SNX4: variants seen among roughly 807,000 people sequenced by gnomAD.
SNX4 encodes the protein sorting nexin-4.
A neutral mutation model predicts 70.8 loss-of-function variants in SNX4; 49 were observed. The ratio of observed to expected loss-of-function variants is 0.69; its 90% CI spans 0.55 to 0.88. The LOEUF is 0.88. Ranked by LOEUF, SNX4 falls within the 40% of genes least tolerant of loss-of-function variation. The pLI is 0.00. For missense variants in SNX4, 528 were observed against 544.8 expected (o/e 0.97, Z 0.31); for synonymous variants, 206 against 183.8 (o/e 1.12, Z -0.98).
At chr3:125,466,822 C>T (rs1342535444) in intron 9 of SNX4, among the ~76,000 whole-genome samples, 3 of 152,142 alleles carry the variant, frequency 2.0e-5, no homozygotes, top group South Asian at 2.1e-4. Flanking sequence ...CAGTGGCTCA[C>T]GCCTATAATC....
intron 5 of SNX4, among the ~76,000 whole-genome samples, chr3:125,493,921 C>T (rs1406839664): frequency 6.6e-6 from 1 of 151,690 alleles, no homozygotes; most frequent in African/African-American, 2.4e-5. Flanking sequence ...CCTGTAGTCC[C>T]AGCTACTCAG....
chr3:125,487,743 TATG>T (rs1395713931), intron 6 of SNX4, among the ~76,000 whole-genome samples: 5 of 149,900 alleles, frequency 3.3e-5, no homozygotes, highest in African/African-American at 7.4e-5. Context: ...ACATACTGTA[TATG>T]ATGTGACATT....
intron 12 of SNX4, among the ~76,000 whole-genome samples, chr3:125,453,006 T>C (rs759446811): frequency 1.8e-4 from 27 of 152,178 alleles, no homozygotes; most frequent in African/African-American, 6.0e-4. Flanking sequence ...CAAAATACAC[T>C]CTTGGTCTGC....
intron 6 of SNX4, among the ~76,000 whole-genome samples, chr3:125,488,505 CAA>C (rs1227135928): frequency 1.3e-5 from 2 of 151,908 alleles, no homozygotes; most frequent in East Asian, 1.9e-4. Context: ...TGAAAAAACT[CAA>C]GTTACCATCA....
chr3:125,447,883 A>G lies in SNX4; in HGVS notation c.1306-57T>C, dbSNP rs9856055. ...AGTTTGGAAGGAATCTGAAAACCCA[A>G]GTACTTGGCTTAGTGGTACACTAAG... On this transcript the variant is annotated intron_variant, in intron 13 of 13. Coordinates refer to ENST00000251775, the MANE Select transcript of SNX4 (RefSeq NM_003794.4). 4,736 of 1,166,654 alleles carry G rather than the reference A, an allele frequency of 4.1e-3. 127 individuals carry two copies. The African/African-American group carries it at 0.059, about 15-fold the overall frequency. The allele number at this position is 1,166,654 out of a possible 1,614,324, so 72.3% of individuals were successfully genotyped here.
intron 1 of SNX4, 80 bp downstream of exon 1, chr3:125,519,952 C>T: frequency 5.4e-6 from 6 of 1,114,936 alleles, no homozygotes; most frequent in South Asian, 1.8e-5. Context: ...CGGCCCGGCC[C>T]AGCCCAGCCC....
intron 1 of SNX4, among the ~76,000 whole-genome samples, chr3:125,510,116 C>T (rs183080903): frequency 6.6e-6 from 1 of 152,138 alleles, no homozygotes; most frequent in Admixed American, 6.5e-5. Flanking sequence ...CTAATATATC[C>T]AAAAGAATTA....
chr3:125,519,993 C>T, intron 1 of SNX4, 39 bp downstream of exon 1: 2 of 1,455,444 alleles, frequency 1.4e-6, no homozygotes, highest in South Asian at 2.5e-5. Flanking sequence ...GCTAGGCCAC[C>T]ACACAGGCCA....
intron 4 of SNX4, 58 bp from the exon 5 acceptor site, chr3:125,497,446 G>A: frequency 2.8e-6 from 3 of 1,084,324 alleles, no homozygotes; most frequent in Non-Finnish European, 2.8e-6. Flanking sequence ...TCCAAATTAA[G>A]TAAATTAAAT....
intron 6 of SNX4, among the ~76,000 whole-genome samples, chr3:125,481,178 T>C (rs551886570): frequency 1.3e-5 from 2 of 152,298 alleles, no homozygotes; most frequent in South Asian, 2.1e-4. Flanking sequence ...TCCAGCACTA[T>C]ATAGTAGGGA....
At chr3:125,482,411 A>G (rs999506936) in intron 6 of SNX4, among the ~76,000 whole-genome samples, 1 of 152,060 alleles carries the variant, frequency 6.6e-6, no homozygotes, top group Non-Finnish European at 1.5e-5. Context: ...ACATTCCACT[A>G]ATTGCCCAGT....
chr3:125,480,312 T>C lies in SNX4; in HGVS notation c.661A>G (p.Thr221Ala). Residue 221 changes from threonine (T) to alanine (A), a missense_variant, in exon 7 of 14, where the codon ACT (threonine) becomes GCT (alanine). This residue lies in a region of SNX4 where 341 missense variants were observed against 312.2 expected (regional missense o/e 1.09). Coordinates refer to ENST00000251775, the MANE Select transcript of SNX4 (RefSeq NM_003794.4). ...TCATCACTATAGTGCTTAAGGTCAG[T>C]AAATCTCCTGAAACAGGAAACAAAT... ...FRVKNPDKRF[T>A]DLKHYSDELQ... The C allele has an allele frequency of 2.6e-6, 4 of 1,518,714 alleles. No individual in the cohort carries two copies. Among genetic ancestry groups the C allele is most frequent in the Non-Finnish European group, 3.6e-6 (4 of 1,126,208 alleles). 94.1% of individuals were successfully genotyped at this position (1,518,714 alleles called of 1,614,324 possible). A position where few individuals can be genotyped will look rare whatever the true frequency, so the allele number is the denominator to read the frequency against.
At chr3:125,481,094 G>C (rs559661692) in intron 6 of SNX4, among the ~76,000 whole-genome samples, 1 of 152,206 alleles carries the variant, frequency 6.6e-6, no homozygotes, top group South Asian at 2.1e-4. Flanking sequence ...CTTTCACAAG[G>C]CATCACTTCC....
At chr3:125,513,514 G>A (rs62270179) in intron 1 of SNX4, among the ~76,000 whole-genome samples, 45,530 of 151,912 alleles carry the variant, frequency 0.3, 7,258 homozygotes, top group Admixed American at 0.43. Context: ...TTACTTTTCC[G>A]CCATTATTTT....
At position 125,447,750 on chromosome 3, in the gene SNX4, T is replaced by G; in HGVS notation, c.*29A>C. On this transcript the variant is annotated 3_prime_UTR_variant, in exon 14 of 14. Coordinates refer to ENST00000251775, the MANE Select transcript of SNX4 (RefSeq NM_003794.4). Reference sequence around the variant, plus strand: ...ACTTGTGCTTCTGTTTTGGGGCACTTTGATTGAAGAGAAATTCAATTCACA... The same window carrying G: ...ACTTGTGCTTCTGTTTTGGGGCACTGTGATTGAAGAGAAATTCAATTCACA... 1 of 1,564,298 alleles carries G rather than the reference T, an allele frequency of 6.4e-7. No homozygotes were observed. Among genetic ancestry groups the G allele is most frequent in the Non-Finnish European group, 8.7e-7 (1 of 1,148,124 alleles).
intron 5 of SNX4, among the ~76,000 whole-genome samples, chr3:125,493,541 C>T (rs958678801): frequency 1.3e-5 from 2 of 150,576 alleles, no homozygotes; most frequent in Non-Finnish European, 3.0e-5. Context: ...GTAGTCTCAA[C>T]TACTCGGGAG....
chr3:125,490,653 T>C (rs1245964260), intron 5 of SNX4, among the ~76,000 whole-genome samples: 2 of 152,118 alleles, frequency 1.3e-5, no homozygotes, highest in African/African-American at 4.8e-5. Context: ...TTTTAACTAT[T>C]TTCTTCACTT....
At chr3:125,507,779 C>T (rs1419894935) in intron 1 of SNX4, among the ~76,000 whole-genome samples, 1 of 152,048 alleles carries the variant, frequency 6.6e-6, no homozygotes, top group South Asian at 2.1e-4. Context: ...AGCAAACTGT[C>T]CTTCAAAAGT....
At chr3:125,487,857 C>T (rs1217421873) in intron 6 of SNX4, among the ~76,000 whole-genome samples, 1 of 151,704 alleles carries the variant, frequency 6.6e-6, no homozygotes, top group Admixed American at 6.6e-5. Context: ...ATTTTTAGGA[C>T]AGTAATACTA....
Sources: allele counts gnomAD v4.1 joint callset (sites outside exome capture counted in the v4.1 genomes callset), GRCh38; gene constraint gnomAD v4.1.1; regional missense constraint gnomAD v4.1.1; transcripts MANE v1.5; gene names NCBI Gene and HGNC (gene_info 2026-07-23, HGNC 2026-07-21).